RIMKLB: variants seen among roughly 807,000 people sequenced by gnomAD.
RIMKLB encodes the protein ribosomal modification protein rimK like family member B.
In RIMKLB, 7 loss-of-function variants were observed where a neutral mutation model predicts 32.0. The ratio of observed to expected loss-of-function variants is 0.22; its 90% confidence interval spans 0.12 to 0.41. The LOEUF (loss-of-function observed/expected upper bound fraction) is 0.41, where lower values mean the gene tolerates loss of function less well. Ranked by LOEUF, RIMKLB falls within the 10% of genes least tolerant of loss-of-function variation. The probability of loss-of-function intolerance (pLI) is 1.00; values close to 1 mark genes in which losing one functional copy is unlikely to be tolerated. For missense variants in RIMKLB, 289 were observed against 498.7 expected, an observed-to-expected ratio of 0.58 and a Z score of 4.00; for synonymous variants, 172 against 185.1, an observed-to-expected ratio of 0.93 and a Z score of 0.57.
chr12:8,686,867 GC>G (rs1290202695), intron 1 of RIMKLB, among the ~76,000 whole-genome samples: 1 of 152,182 alleles, frequency 6.6e-6, no homozygotes, highest in Non-Finnish European at 1.5e-5. Context: ...TTTGGAGAGG[GC>G]GCCACACAGG....
At position 8,776,969 on chromosome 12, in the gene RIMKLB, A is replaced by G; in HGVS notation, c.*3185A>G. 3 of 985,822 alleles carry G rather than the reference A, an allele frequency of 3.0e-6. No individual in the cohort carries two copies. Among genetic ancestry groups the G allele is most frequent in the Non-Finnish European group, 3.6e-6 (3 of 829,912 alleles). 61.1% of individuals were successfully genotyped at this position (985,822 alleles called of 1,614,324 possible). On this transcript the variant is annotated 3_prime_UTR_variant, in exon 6 of 6. Transcript: ENST00000535829. The stretch of plus-strand genomic sequence containing the variant: ...TGGGGCTTAGAGACATTGTGAAATC[A>G]AATCTTGTGTTATACTTTTCTCCTG...
downstream of RIMKLB, chr12:8,780,256 T>G (rs1950954390): frequency 6.6e-6 from 1 of 152,234 alleles, no homozygotes; most frequent in African/African-American, 2.4e-5. Flanking sequence ...ATGGTATTTG[T>G]TCATAGGTTG....
At chr12:8,706,269 A>C (rs913935448) in intron 1 of RIMKLB, among the ~76,000 whole-genome samples, 5 of 151,640 alleles carry the variant, frequency 3.3e-5, no homozygotes, top group Non-Finnish European at 2.9e-5. Context: ...GCTCCCAAGT[A>C]GCTGGGATTA....
chr12:8,676,897 C>G (rs184355874), upstream of RIMKLB, among the ~76,000 whole-genome samples: 51 of 152,154 alleles, frequency 3.4e-4, no homozygotes, highest in African/African-American at 1.2e-3. Context: ...TACCAAGGGA[C>G]TCTATTGCTT....
At position 8,748,883 on chromosome 12, in the gene RIMKLB, G is replaced by A. The variant is rs187657510; in HGVS notation, c.176-979G>A. Among the ~76,000 whole-genome samples the A allele has an allele frequency of 2.0e-3, 303 of 152,136 alleles. 1 individual carries two copies. Among genetic ancestry groups the A allele is most frequent in the African/African-American group, 7.0e-3 (291 of 41,524 alleles). ...GAACCCAGGAAGCAGAGGTTGCAGT[G>A]AGCTGAGACCATGCCACTGCACTCC... On this transcript the variant is annotated intron_variant, in intron 2 of 5. Transcript: ENST00000535829.
chr12:8,736,812 T>C (rs1048355555), intron 2 of RIMKLB, among the ~76,000 whole-genome samples: 6 of 151,684 alleles, frequency 4.0e-5, no homozygotes, highest in Non-Finnish European at 7.4e-5. Flanking sequence ...ATACTGCTAT[T>C]AATTACTTTC....
At chr12:8,717,934 A>G (rs1310523184) in intron 2 of RIMKLB, among the ~76,000 whole-genome samples, 1 of 152,176 alleles carries the variant, frequency 6.6e-6, no homozygotes, top group African/African-American at 2.4e-5. Flanking sequence ...TAAAATAACG[A>G]ATAATGTACT....
chr12:8,693,957 CAG>C (rs1434157547), upstream of RIMKLB, among the ~76,000 whole-genome samples: 1 of 152,002 alleles, frequency 6.6e-6, no homozygotes, highest in Non-Finnish European at 1.5e-5. Context: ...AAAATAGAGA[CAG>C]GGGCCAGGTG....
At chr12:8,745,569 T>C (rs949654984) in intron 2 of RIMKLB, among the ~76,000 whole-genome samples, 13 of 151,444 alleles carry the variant, frequency 8.6e-5, no homozygotes, top group Non-Finnish European at 1.9e-4. Context: ...TAATTTTGTA[T>C]TTTTAGTAAA....
At chr12:8,719,570 T>C (rs1945232169) in intron 2 of RIMKLB, among the ~76,000 whole-genome samples, 1 of 152,136 alleles carries the variant, frequency 6.6e-6, no homozygotes, top group Non-Finnish European at 1.5e-5. Flanking sequence ...GGTTTCACCA[T>C]GTTGGCCAGG....
chr12:8,722,590 T>C (rs992790193), intron 2 of RIMKLB, among the ~76,000 whole-genome samples: 2 of 152,208 alleles, frequency 1.3e-5, no homozygotes, highest in Non-Finnish European at 2.9e-5. Context: ...AACAAAAGAA[T>C]TAGCCTCTCC....
Position 8,689,457 on chromosome 12 carries a change from T to C in RIMKLB, n.219+7639T>C, listed in dbSNP as rs747116442. Among the ~76,000 whole-genome samples, 6 of 152,368 alleles carry C rather than the reference T, an allele frequency of 3.9e-5. No homozygotes were observed. The East Asian group carries it at 1.2e-3, about 29-fold the overall frequency. On this transcript the variant is annotated intron_variant and non_coding_transcript_variant, in intron 1 of 1. Transcript: ENST00000538758. The stretch of plus-strand genomic sequence containing the variant: ...CTTTCTCAGCATTTTGCTCAATTAA[T>C]ATTTTAAACCAAAATAATTAATAGA...
At chr12:8,695,139 C>A (rs1047455320), upstream of RIMKLB, among the ~76,000 whole-genome samples, 1 of 152,132 alleles carries the variant, frequency 6.6e-6, no homozygotes, top group Non-Finnish European at 1.5e-5. Flanking sequence ...TCCAGACATG[C>A]TAGGTTACTT....
At chr12:8,758,368 A>T (rs1354600650) in intron 5 of RIMKLB, among the ~76,000 whole-genome samples, 1 of 151,796 alleles carries the variant, frequency 6.6e-6, no homozygotes, top group East Asian at 1.9e-4. Flanking sequence ...TGATCCTCCC[A>T]TCTCAGCCTC....
At chr12:8,753,087 G>A (rs1948750773) in intron 4 of RIMKLB, among the ~76,000 whole-genome samples, 1 of 152,122 alleles carries the variant, frequency 6.6e-6, no homozygotes, top group Non-Finnish European at 1.5e-5. Flanking sequence ...ATCAGTCTGA[G>A]TACAGTGACA....
intron 1 of RIMKLB, among the ~76,000 whole-genome samples, chr12:8,701,563 T>G (rs938005796): frequency 2.0e-5 from 3 of 151,810 alleles, no homozygotes; most frequent in Admixed American, 6.6e-5. Flanking sequence ...TATGTTTTTG[T>G]TTTTTTTCTA....
chr12:8,684,466 C>T (rs557373310), intron 1 of RIMKLB, among the ~76,000 whole-genome samples: 3 of 152,206 alleles, frequency 2.0e-5, no homozygotes, highest in Non-Finnish European at 4.4e-5. Context: ...AGCCATCACA[C>T]CCGGCCTAAA....
At chr12:8,773,261 T>C in intron 5 of RIMKLB, 60 bp from the exon 6 acceptor site, 1 of 1,288,730 alleles carries the variant, frequency 7.8e-7, no homozygotes. Context: ...GGAGGCCAAC[T>C]TTAATTTTAT....
chr12:8,706,959 CG>C (rs1555149518), intron 1 of RIMKLB, among the ~76,000 whole-genome samples: 2 of 151,918 alleles, frequency 1.3e-5, no homozygotes, highest in Non-Finnish European at 2.9e-5. Context: ...GAATGAAACT[CG>C]GGGGATCATA....
Sources: gnomAD v4.1 joint callset for allele counts (sites outside exome capture counted in the v4.1 genomes callset) on GRCh38, gnomAD v4.1.1 for gene constraint, MANE v1.5 for transcripts, NCBI Gene and HGNC (gene_info 2026-07-23, HGNC 2026-07-21) for gene names.